Variants in RNF216 observed in about 807,000 individuals in gnomAD.
RNF216 encodes the protein E3 ubiquitin-protein ligase RNF216.
A neutral mutation model predicts 110.8 loss-of-function variants in RNF216; 72 were observed. The observed-to-expected ratio is 0.65, with a 90% CI of 0.54 to 0.79. RNF216 has a LOEUF of 0.79. Ranked by LOEUF, RNF216 falls within the 30% of genes least tolerant of loss-of-function variation. The pLI is 0.00. For missense variants in RNF216, 1,342 were observed against 1,141.2 expected, an observed-to-expected ratio of 1.18 and a Z score of -2.54; for synonymous variants, 495 against 407.5, an observed-to-expected ratio of 1.21 and a Z score of -2.59.
intron 1 of RNF216, among the ~76,000 whole-genome samples, chr7:5,767,255 C>T (rs1796253384): frequency 6.6e-6 from 1 of 152,166 alleles, no homozygotes; most frequent in African/African-American, 2.4e-5. Context: ...AAATGAGAAG[C>T]ACATCAGGAG....
intron 10 of RNF216, 44 bp from the exon 11 acceptor site, chr7:5,715,234 G>C: frequency 6.3e-7 from 1 of 1,582,084 alleles, no homozygotes; most frequent in South Asian, 1.1e-5. Flanking sequence ...CTGCACTTAA[G>C]GAGAGGGGGA....
chr7:5,779,625 G>A (rs1156685572), intron 1 of RNF216, among the ~76,000 whole-genome samples: 1 of 148,200 alleles, frequency 6.7e-6, no homozygotes, highest in Admixed American at 6.9e-5. Context: ...TTAAACCCAG[G>A]AGTTGGGCAG....
At chr7:5,665,941 G>A (rs1253143909) in intron 13 of RNF216, among the ~76,000 whole-genome samples, 1 of 152,104 alleles carries the variant, frequency 6.6e-6, no homozygotes, top group Non-Finnish European at 1.5e-5. Context: ...CGAGACAGGC[G>A]GATCCCGAGG....
At chr7:5,685,249 C>T (rs150181126) in intron 13 of RNF216, among the ~76,000 whole-genome samples, 117 of 152,268 alleles carry the variant, frequency 7.7e-4, no homozygotes, top group African/African-American at 2.3e-3. Context: ...ACAGTGAGCA[C>T]GAACAAAACC....
At chr7:5,626,869 A>G (rs1263311471) in intron 15 of RNF216, among the ~76,000 whole-genome samples, 3 of 152,204 alleles carry the variant, frequency 2.0e-5, no homozygotes, top group Non-Finnish European at 4.4e-5. Context: ...GTAAATGCTC[A>G]TGATTAGGAC....
At chr7:5,735,287 G>C (rs1794329850) in intron 5 of RNF216, among the ~76,000 whole-genome samples, 1 of 152,070 alleles carries the variant, frequency 6.6e-6, no homozygotes, top group African/African-American at 2.4e-5. Flanking sequence ...ACTCTATCAA[G>C]AACTCAAGAT....
chr7:5,763,790 T>C (rs574962195), intron 1 of RNF216, among the ~76,000 whole-genome samples: 5 of 152,112 alleles, frequency 3.3e-5, no homozygotes, highest in African/African-American at 4.8e-5. Context: ...CCAGGCTGGT[T>C]TGGATATCCC....
intron 1 of RNF216, among the ~76,000 whole-genome samples, chr7:5,775,911 G>T (rs1400833892): frequency 6.6e-6 from 1 of 151,848 alleles, no homozygotes; most frequent in African/African-American, 2.4e-5. Flanking sequence ...CTAGGCACAG[G>T]CTGGAAGAAG....
At chr7:5,707,228 CTAGGA>C (rs1218617974) in intron 13 of RNF216, among the ~76,000 whole-genome samples, 2 of 152,178 alleles carry the variant, frequency 1.3e-5, no homozygotes, top group Non-Finnish European at 2.9e-5. Flanking sequence ...TTAAGACTGT[CTAGGA>C]TATTTGGGAT....
intron 1 of RNF216, among the ~76,000 whole-genome samples, chr7:5,762,681 G>A (rs1375438274): frequency 6.6e-6 from 1 of 151,642 alleles, no homozygotes; most frequent in Non-Finnish European, 1.5e-5. Context: ...GACAGAGCGA[G>A]ACTCTGTCTC....
chr7:5,750,435 C>A (rs558153187), intron 3 of RNF216, among the ~76,000 whole-genome samples: 23 of 152,292 alleles, frequency 1.5e-4, no homozygotes, highest in African/African-American at 5.3e-4. Context: ...CTGTGATTAT[C>A]TTTGGTAGAA....
chr7:5,662,861 T>C (rs977885805), intron 13 of RNF216, among the ~76,000 whole-genome samples: 1 of 151,502 alleles, frequency 6.6e-6, no homozygotes, highest in Non-Finnish European at 1.5e-5. Context: ...CTGGCACTTC[T>C]GCTTGAGCCT....
At chr7:5,677,685 C>G (rs1000562143) in intron 13 of RNF216, among the ~76,000 whole-genome samples, 1 of 152,082 alleles carries the variant, frequency 6.6e-6, no homozygotes, top group African/African-American at 2.4e-5. Context: ...TAGGTGAATC[C>G]CCTTCCAGTC....
At chr7:5,644,027 TC>T (rs1787900777) in intron 14 of RNF216, among the ~76,000 whole-genome samples, 1 of 152,252 alleles carries the variant, frequency 6.6e-6, no homozygotes, top group Admixed American at 6.5e-5. Flanking sequence ...GATACTTCAT[TC>T]CTTTTTATGG....
At chr7:5,693,584 G>A (rs768278816) in intron 13 of RNF216, among the ~76,000 whole-genome samples, 2 of 152,162 alleles carry the variant, frequency 1.3e-5, no homozygotes, top group African/African-American at 4.8e-5. Context: ...GCTTAAAGAG[G>A]GAACTTCAGA....
intron 13 of RNF216, among the ~76,000 whole-genome samples, chr7:5,667,272 G>A (rs1017468122): frequency 3.3e-5 from 5 of 152,146 alleles, no homozygotes; most frequent in Non-Finnish European, 7.3e-5. Flanking sequence ...ATTTATTTAT[G>A]TTTGGATGAA....
At chr7:5,637,488 C>T (rs1458422218) in intron 15 of RNF216, among the ~76,000 whole-genome samples, 1 of 152,198 alleles carries the variant, frequency 6.6e-6, no homozygotes, top group Non-Finnish European at 1.5e-5. Context: ...TAGAGAACAC[C>T]TGGTTACCAC....
At chr7:5,762,294 G>C (rs974600551) in intron 1 of RNF216, among the ~76,000 whole-genome samples, 2 of 151,882 alleles carry the variant, frequency 1.3e-5, no homozygotes, top group African/African-American at 4.8e-5. Context: ...AGGCTGAGGT[G>C]GATGGATCAC....
intron 14 of RNF216, among the ~76,000 whole-genome samples, chr7:5,647,290 TG>T (rs1788107154): frequency 6.6e-6 from 1 of 151,872 alleles, no homozygotes; most frequent in African/African-American, 2.4e-5. Context: ...GCAGCTGACT[TG>T]CCATGTCCAC....
Sources: gnomAD v4.1 joint callset for allele counts (sites outside exome capture counted in the v4.1 genomes callset) on GRCh38, gnomAD v4.1.1 for gene constraint, MANE v1.5 for transcripts, NCBI Gene and HGNC (gene_info 2026-07-23, HGNC 2026-07-21) for gene names.